Variants in ARHGEF7 observed in about 807,000 individuals in gnomAD.
ARHGEF7 encodes the protein Rho guanine nucleotide exchange factor 7.
ARHGEF7 carries 33 observed loss-of-function variants against 109.8 expected under a neutral mutation model. The observed-to-expected ratio is 0.30, with a 90% CI of 0.23 to 0.40. ARHGEF7 has a LOEUF of 0.40. ARHGEF7 is among the 10% of genes least tolerant of loss of function. The pLI is 1.00. For synonymous variants in ARHGEF7, 458 were observed against 424.6 expected, an observed-to-expected ratio of 1.08 and a Z score of -0.97; for missense variants, 938 against 1,098.5, an observed-to-expected ratio of 0.85 and a Z score of 2.07.
intron 9 of ARHGEF7, among the ~76,000 whole-genome samples, chr13:111,269,206 T>G (rs1170624814): frequency 1.3e-5 from 2 of 152,252 alleles, no homozygotes; most frequent in East Asian, 1.9e-4. Flanking sequence ...TTTCTAGTTA[T>G]GCGCTATGCC....
At chr13:111,124,059 C>A (rs759631245) in intron 1 of ARHGEF7, among the ~76,000 whole-genome samples, 8 of 151,550 alleles carry the variant, frequency 5.3e-5, no homozygotes, top group Non-Finnish European at 1.0e-4. Flanking sequence ...TCTAAAAGTT[C>A]TTTTTTCTCG....
intron 5 of ARHGEF7, among the ~76,000 whole-genome samples, chr13:111,232,130 T>C (rs9522167): frequency 0.9 from 137,699 of 152,158 alleles, 62,335 homozygotes; most frequent in South Asian, 0.93. Context: ...AACTATGATA[T>C]ACACACAACC....
At chr13:111,206,966 AAAAAAAAAAG>A (rs1358013591) in intron 3 of ARHGEF7, among the ~76,000 whole-genome samples, 18 of 143,088 alleles carry the variant, frequency 1.3e-4, no homozygotes, top group African/African-American at 2.3e-4. Flanking sequence ...CATCTAAAAA[AAAAAAAAAAG>A]AAAAAGAAAA....
intron 4 of ARHGEF7, among the ~76,000 whole-genome samples, chr13:111,216,437 C>A (rs2083152145): frequency 6.6e-6 from 1 of 151,822 alleles, no homozygotes; most frequent in African/African-American, 2.4e-5. Context: ...GAGGCCTGGA[C>A]TCTGCTGATG....
chr13:111,233,192 A>G lies in ARHGEF7; in HGVS notation c.671-13A>G. On this transcript the variant is annotated splice_polypyrimidine_tract_variant and intron_variant, in intron 5 of 21. Coordinates refer to ENST00000646102, the MANE Select transcript of ARHGEF7 (RefSeq NM_001354046.2). ...GTACTGATCAGTAAAACTATGTTAC[A>G]TTTTCATTTCAGAGAAGCCTGTGTC... The G allele has an allele frequency of 2.5e-6, 4 of 1,609,814 alleles. No homozygotes were observed. Among genetic ancestry groups the G allele is most frequent in the South Asian group, 1.1e-5 (1 of 90,996 alleles).
chr13:111,117,707 G>GTC (rs1224854926), intron 1 of ARHGEF7, among the ~76,000 whole-genome samples: 3 of 150,852 alleles, frequency 2.0e-5, no homozygotes, highest in South Asian at 2.1e-4. Flanking sequence ...CTCTCTCTCT[G>GTC]TCTCTCTCTC....
intron 18 of ARHGEF7, among the ~76,000 whole-genome samples, chr13:111,291,414 AC>A (rs2093277500): frequency 1.3e-5 from 2 of 152,206 alleles, no homozygotes; most frequent in South Asian, 4.1e-4. Context: ...TTGCCAGCAG[AC>A]CCAGCTTCCC....
chr13:111,221,234 GAT>G (rs1400418988), intron 5 of ARHGEF7, among the ~76,000 whole-genome samples: 3 of 31,768 alleles, frequency 9.4e-5, no homozygotes, highest in South Asian at 1.3e-3. Flanking sequence ...TATCTATATA[GAT>G]ATATATGTCT....
intron 21 of ARHGEF7, 45 bp downstream of exon 21, chr13:111,301,577 G>A (rs2093568948): frequency 2.0e-6 from 3 of 1,492,828 alleles, no homozygotes; most frequent in African/African-American, 1.4e-5. Flanking sequence ...TTTTCAAATG[G>A]GAGAAAAGAA....
In ARHGEF7 at chr13:111,145,299, G is replaced by A. The variant is rs2075534578; in HGVS notation, c.166-8606G>A. Among the ~76,000 whole-genome samples the A allele has an allele frequency of 6.6e-6, 1 of 152,164 alleles. No individual in the cohort carries two copies. The highest frequency in any genetic ancestry group is 1.5e-5 in the Non-Finnish European group (1 of 68,020). ...AAGCTCTCCAGGTTAGGGCCAGGCA[G>A]AAAACAGATAGATGGCACACTGAAC... On this transcript the variant is annotated intron_variant, in intron 1 of 21. Transcript: ENST00000646102. The surrounding 1 kb of genome is among the most constrained non-coding windows in gnomAD (Gnocchi z 4.3).
chr13:111,286,668 G>A (rs1415864359), intron 17 of ARHGEF7, among the ~76,000 whole-genome samples: 2 of 152,148 alleles, frequency 1.3e-5, no homozygotes, highest in Non-Finnish European at 2.9e-5. Flanking sequence ...TTCTCTTGCT[G>A]GTCTCTCTGC....
In ARHGEF7 at chr13:111,115,594, C is replaced by A; in HGVS notation, c.68C>A (p.Thr23Asn). 7.0e-7 allele frequency: 1 copy of A among 1,421,352 alleles called. No homozygotes were observed. Among genetic ancestry groups the A allele is most frequent in the Non-Finnish European group, 9.3e-7 (1 of 1,071,016 alleles). The allele number at this position is 1,421,352 out of a possible 1,614,324, so 88.0% of individuals were successfully genotyped here. Residue 23 changes from threonine (T) to asparagine (N), a missense_variant, in exon 1 of 22, where the codon ACC (threonine) becomes AAC (asparagine). Around this residue, in one of 4 missense-constraint regions of ARHGEF7, gnomAD observed 165 missense variants for 125.8 expected, o/e 1.31. Coordinates refer to ENST00000646102, the MANE Select transcript of ARHGEF7 (RefSeq NM_001354046.2). ...GGGGTGCTGGAGTCGCCCAAAAAAA[C>A]CATCTCGGACCCGGAGGGCTTTCTG... ...TLGVLESPKK[T>N]ISDPEGFLQA...
chr13:111,121,742 C>T (rs931953728), intron 1 of ARHGEF7, among the ~76,000 whole-genome samples: 3 of 152,206 alleles, frequency 2.0e-5, no homozygotes, highest in Non-Finnish European at 4.4e-5. Flanking sequence ...ACCCGGTCCT[C>T]TGCGTGCTTC....
In ARHGEF7 at chr13:111,153,813, G is replaced by A. The variant is rs888662997; in HGVS notation, c.166-92G>A. 4.7e-6 allele frequency: 7 copies of A among 1,492,372 alleles called. No individual in the cohort carries two copies. The South Asian group carries it at 7.8e-5, about 17-fold the overall frequency. 92.4% of individuals were successfully genotyped at this position (1,492,372 alleles called of 1,614,324 possible). On this transcript the variant is annotated intron_variant, in intron 1 of 21. Transcript: ENST00000646102. ...GCCGCTCGCCAGCGTCGCCCGCTGTGTTGGGAGCGCGGGCCGTGGGCGTCG... is the reference window on the plus strand; with the variant it reads ...GCCGCTCGCCAGCGTCGCCCGCTGTATTGGGAGCGCGGGCCGTGGGCGTCG...
At chr13:111,188,264 A>C (rs2153440765) in intron 2 of ARHGEF7, among the ~76,000 whole-genome samples, 1 of 152,326 alleles carries the variant, frequency 6.6e-6, no homozygotes, top group African/African-American at 2.4e-5. Context: ...GCTTCAGCTG[A>C]CATCTCAACG....
chr13:111,298,382 C>T (rs1445073648), intron 19 of ARHGEF7, among the ~76,000 whole-genome samples: 1 of 152,210 alleles, frequency 6.6e-6, no homozygotes, highest in African/African-American at 2.4e-5. Context: ...CAGTTTCCTT[C>T]CTAAGCAGTA....
intron 5 of ARHGEF7, among the ~76,000 whole-genome samples, chr13:111,225,600 G>A (rs2085101222): frequency 6.6e-6 from 1 of 151,534 alleles, no homozygotes; most frequent in African/African-American, 2.4e-5. Flanking sequence ...TTGTCCCAGT[G>A]CTTCATTTGG....
At chr13:111,120,552 T>A (rs1039070965) in intron 1 of ARHGEF7, among the ~76,000 whole-genome samples, 6 of 150,136 alleles carry the variant, frequency 4.0e-5, no homozygotes, top group Non-Finnish European at 8.9e-5. Context: ...GTTGAGGGAG[T>A]GGGGGAAGGA....
chr13:111,160,223 T>C (rs2076638915), intron 2 of ARHGEF7, among the ~76,000 whole-genome samples: 1 of 152,256 alleles, frequency 6.6e-6, no homozygotes, highest in African/African-American at 2.4e-5. Flanking sequence ...TCTGCTTTTA[T>C]GCTAGTGCCA....
Sources: allele counts gnomAD v4.1 joint callset (sites outside exome capture counted in the v4.1 genomes callset), GRCh38; gene constraint gnomAD v4.1.1; regional missense constraint gnomAD v4.1.1; non-coding constraint Gnocchi (gnomAD v3.1); transcripts MANE v1.5; gene names NCBI Gene and HGNC (gene_info 2026-07-23, HGNC 2026-07-21).